Variants in PAX7 observed in about 807,000 individuals in gnomAD.
The protein encoded by PAX7 is paired box 7.
A neutral mutation model predicts 50.7 loss-of-function variants in PAX7; 18 were observed. The observed-to-expected ratio is 0.36, with a 90% CI of 0.25 to 0.53. PAX7 has a LOEUF of 0.53. Among genes scored for constraint, PAX7 ranks in the 20% least tolerant of loss-of-function variants. The pLI, the probability that PAX7 is intolerant of heterozygous loss-of-function variation, is 0.93. For synonymous variants in PAX7, 310 were observed against 290.4 expected (o/e 1.07, Z -0.69); for missense variants, 644 against 702.9 (o/e 0.92, Z 0.95).
At chr1:18,742,438 G>A (rs1317195394) in intron 8 of PAX7, among the ~76,000 whole-genome samples, 1 of 152,180 alleles carries the variant, frequency 6.6e-6, no homozygotes, top group Admixed American at 6.5e-5. Context: ...TTACAGGCAT[G>A]AGCCACCGTG....
chr1:18,701,331 AGT>A (rs2089217279), intron 6 of PAX7, among the ~76,000 whole-genome samples: 1 of 151,832 alleles, frequency 6.6e-6, no homozygotes. Context: ...TGCGTGCATG[AGT>A]GTGTGCGTGT....
intron 7 of PAX7, among the ~76,000 whole-genome samples, chr1:18,733,056 T>C (rs1190402050): frequency 6.6e-6 from 1 of 152,038 alleles, no homozygotes. Context: ...CGTGTTTGTG[T>C]TGGGTGAGAA....
At position 18,631,306 on chromosome 1, in the gene PAX7, G is replaced by T. The variant is rs1007950404; in HGVS notation, c.-298G>T. On this transcript the variant is annotated 5_prime_UTR_variant, in exon 1 of 9. Coordinates refer to ENST00000420770, the MANE Select transcript of PAX7 (RefSeq NM_001135254.2). ...TCAGCCCGCACAACTTCTGGCCGAG[G>T]CCAGCCGGCAGAGGCGGACTTGGGG... 1.6e-5 allele frequency: 5 copies of T among 318,802 alleles called. No homozygotes were observed. Among genetic ancestry groups the T allele is most frequent in the African/African-American group, 8.4e-5 (4 of 47,796 alleles). The allele number at this position is 318,802 out of a possible 1,614,324, so 19.7% of individuals were successfully genotyped here.
intron 4 of PAX7, among the ~76,000 whole-genome samples, chr1:18,655,429 G>A (rs1036513758): frequency 1.2e-4 from 18 of 152,216 alleles, no homozygotes; most frequent in Non-Finnish European, 1.6e-4. Context: ...GGGGCCAACC[G>A]GGATGAGCTG....
At chr1:18,689,377 A>G (rs1240161755) in intron 4 of PAX7, among the ~76,000 whole-genome samples, 1 of 152,150 alleles carries the variant, frequency 6.6e-6, no homozygotes, top group African/African-American at 2.4e-5. Context: ...GTCTCCCCAC[A>G]GTGACTGGGG....
chr1:18,734,504 C>T (rs1424374686), intron 7 of PAX7, among the ~76,000 whole-genome samples: 4 of 152,152 alleles, frequency 2.6e-5, no homozygotes, highest in South Asian at 2.1e-4. Context: ...TGCCCTCCCA[C>T]TCTCCAGGAG....
At chr1:18,673,803 C>G (rs1301589281) in intron 4 of PAX7, among the ~76,000 whole-genome samples, 1 of 152,068 alleles carries the variant, frequency 6.6e-6, no homozygotes. Flanking sequence ...TATTTTGGAG[C>G]CATAATGAAG....
intron 7 of PAX7, among the ~76,000 whole-genome samples, chr1:18,727,231 A>G (rs2089583014): frequency 1.3e-5 from 2 of 151,834 alleles, no homozygotes; most frequent in Admixed American, 6.6e-5. Context: ...CACATCACAC[A>G]AGGACTTAGA....
intron 4 of PAX7, among the ~76,000 whole-genome samples, chr1:18,637,974 G>C (rs1570104793): frequency 6.6e-6 from 1 of 152,398 alleles, no homozygotes; most frequent in East Asian, 1.9e-4. Flanking sequence ...TGGGACACCT[G>C]CCGGGGGACC....
intron 4 of PAX7, among the ~76,000 whole-genome samples, chr1:18,646,051 A>C (rs2088333135): frequency 1.3e-5 from 2 of 152,146 alleles, no homozygotes; most frequent in South Asian, 4.1e-4. Context: ...ATGTGGGGGG[A>C]TATACCCCAT....
rs1161276988 is a variant in PAX7, at chr1:18,747,891, A to G, written c.*2962A>G. ...AGACCATCTGTAGGGATATATCTTC[A>G]TATTGTGTGTTTCAAATTATGCATT... On this transcript the variant is annotated 3_prime_UTR_variant, in exon 9 of 9. Transcript: ENST00000420770. 5.2e-6 allele frequency: 1 copy of G among 193,546 alleles called. No homozygotes were observed. Among genetic ancestry groups the G allele is most frequent in the East Asian group, 8.1e-5 (1 of 12,386 alleles). The allele number at this position is 193,546 out of a possible 1,614,324, so 12.0% of individuals were successfully genotyped here. A position where few individuals can be genotyped will look rare whatever the true frequency, so the allele number is the denominator to read the frequency against.
intron 7 of PAX7, among the ~76,000 whole-genome samples, chr1:18,725,203 G>A (rs2089543616): frequency 1.3e-5 from 2 of 152,040 alleles, no homozygotes; most frequent in South Asian, 2.1e-4. Context: ...ATATGTGCCA[G>A]CTTGTCTGCC....
At chr1:18,710,770 T>G (rs1294127487) in intron 7 of PAX7, among the ~76,000 whole-genome samples, 2 of 152,150 alleles carry the variant, frequency 1.3e-5, no homozygotes, top group African/African-American at 4.8e-5. Context: ...TTTTTATTAT[T>G]CTTAATCTCT....
intron 5 of PAX7, among the ~76,000 whole-genome samples, chr1:18,693,761 G>A (rs532960236): frequency 7.2e-6 from 1 of 138,230 alleles, no homozygotes; most frequent in Non-Finnish European, 1.6e-5. Flanking sequence ...CTGTTCTCCT[G>A]GGCACATTCC....
intron 4 of PAX7, among the ~76,000 whole-genome samples, chr1:18,637,951 C>T (rs931954330): frequency 1.3e-5 from 2 of 152,272 alleles, no homozygotes; most frequent in African/African-American, 4.8e-5. Context: ...CTAGGCCAGT[C>T]GGCCCAGAGC....
chr1:18,631,294 C>T lies in PAX7; in HGVS notation c.-310C>T, dbSNP rs537871637. 46 of 302,060 alleles carry T rather than the reference C, an allele frequency of 1.5e-4. No individual in the cohort carries two copies. The South Asian group carries it at 1.7e-3, about 11-fold the overall frequency. 18.7% of individuals were successfully genotyped at this position (302,060 alleles called of 1,614,324 possible). On this transcript the variant is annotated 5_prime_UTR_variant, in exon 1 of 9. Transcript: ENST00000420770. ...CTGCCAGGCGCATCAGCCCGCACAA[C>T]TTCTGGCCGAGGCCAGCCGGCAGAG...
chr1:18,698,937 C>T (rs1319241689), intron 5 of PAX7, among the ~76,000 whole-genome samples: 1 of 152,230 alleles, frequency 6.6e-6, no homozygotes, highest in Non-Finnish European at 1.5e-5. Flanking sequence ...CCTCCCCCAT[C>T]TCAGCAGACA....
intron 4 of PAX7, among the ~76,000 whole-genome samples, chr1:18,656,858 G>A (rs2088530232): frequency 1.3e-5 from 2 of 152,018 alleles, no homozygotes; most frequent in Non-Finnish European, 2.9e-5. Flanking sequence ...CGGGCATGGT[G>A]GGGCACGCCT....
intron 7 of PAX7, among the ~76,000 whole-genome samples, chr1:18,732,923 C>CA (rs572686003): frequency 9.7e-4 from 148 of 152,254 alleles, no homozygotes; most frequent in Non-Finnish European, 1.5e-3. Flanking sequence ...CAAACCCTCC[C>CA]AGTAGTCTCC....
Sources: allele counts gnomAD v4.1 joint callset (sites outside exome capture counted in the v4.1 genomes callset), GRCh38; gene constraint gnomAD v4.1.1; transcripts MANE v1.5; gene names NCBI Gene and HGNC (gene_info 2026-07-23, HGNC 2026-07-21).